Variants in CERCAM observed in about 807,000 individuals in gnomAD.
CERCAM encodes cerebral endothelial cell adhesion molecule, also known as inactive glycosyltransferase 25 family member 3.
A neutral mutation model predicts 66.0 loss-of-function variants in CERCAM; 59 were observed. That is an observed-to-expected ratio of 0.89 (90% CI 0.73 to 1.11). CERCAM has a LOEUF of 1.11. Ranked by LOEUF, CERCAM falls within the 50% of genes most tolerant of loss-of-function variation. CERCAM has a pLI of 0.00. For synonymous variants in CERCAM, 318 were observed against 343.6 expected, an observed-to-expected ratio of 0.93 and a Z score of 0.83; for missense variants, 840 against 828.3, an observed-to-expected ratio of 1.01 and a Z score of -0.17.
In CERCAM at chr9:128,435,824, A is replaced by G. The variant is rs774939705; in HGVS notation, c.1707A>G (p.Gln569=). ...GCCTCATCAGCTGGAGCGGCTCCCA[A>G]AAGACCCTGCGCAGCCCCCGCCTGG... ...SGRLISWSGS[Q]KTLRSPRLDL... Residue 569 remains glutamine (Q), a synonymous_variant, in exon 12 of 13, where the codon CAA becomes CAG. Transcript: ENST00000372838. 2.5e-6 allele frequency: 4 copies of G among 1,611,150 alleles called. No individual in the cohort carries two copies. The Admixed American group carries it at 5.0e-5, about 20-fold the overall frequency.
intron 5 of CERCAM, among the ~76,000 whole-genome samples, chr9:128,427,059 C>T (rs1478616342): frequency 6.6e-6 from 1 of 152,196 alleles, no homozygotes; most frequent in Non-Finnish European, 1.5e-5. Flanking sequence ...TACATCCCGG[C>T]TCTGGGCCAG....
Position 128,434,236 on chromosome 9 carries a change from A to G in CERCAM, c.1331+7A>G, listed in dbSNP as rs1208311002. On this transcript the variant is annotated splice_region_variant and intron_variant, in intron 10 of 12. Transcript: ENST00000372838. The surrounding 1 kb of genome is among the most constrained non-coding windows in gnomAD (Gnocchi z 4.5). ...AACTGTCTTGGGACCTGATGTAGGC[A>G]GCCTGCACCCTCAGGGACAAGGGGG... 6.2e-7 allele frequency: 1 copy of G among 1,613,942 alleles called. No individual in the cohort carries two copies. Among genetic ancestry groups the G allele is most frequent in the Non-Finnish European group, 8.5e-7 (1 of 1,179,950 alleles).
chr9:128,425,470 G>A (rs548231552), intron 5 of CERCAM, among the ~76,000 whole-genome samples: 17 of 152,106 alleles, frequency 1.1e-4, no homozygotes, highest in Middle Eastern at 3.4e-3. Flanking sequence ...TCAGGAGTTC[G>A]AGACCAGCCT....
At chr9:128,423,315 C>G in intron 3 of CERCAM, 52 bp downstream of exon 3, 1 of 1,472,904 alleles carries the variant, frequency 6.8e-7, no homozygotes, top group Non-Finnish European at 9.4e-7. Flanking sequence ...GTATCCGTCC[C>G]TGATAGAAAT....
chr9:128,434,081 C>G lies in CERCAM; in HGVS notation c.1204-21C>G, dbSNP rs758655136. ...TTGTTTAACTCCGAAGAGCCATCTC[C>G]CACCCCATTGTATGCCACAGGTGGT... On this transcript the variant is annotated intron_variant, in intron 9 of 12. Coordinates refer to ENST00000372838, the MANE Select transcript of CERCAM (RefSeq NM_016174.5). The surrounding 1 kb of genome is among the most constrained non-coding windows in gnomAD (Gnocchi z 4.5). 6.2e-7 allele frequency: 1 copy of G among 1,613,338 alleles called. No homozygotes were observed. The highest frequency in any genetic ancestry group is 1.3e-5 in the African/African-American group (1 of 74,900).
At position 128,435,878 on chromosome 9, in the gene CERCAM, C is replaced by T. The variant is rs752898688; in HGVS notation, c.1761C>T (p.Leu587=). ...TGACTGGCAGCAGCGGGCACAGCCT[C>T]CAACCCCAGCCCCGAGATGAGCTCT... ...LDLTGSSGHS[L]QPQPRDEL The change falls in exon 12 of 13, where the codon CTC becomes CTT. Residue 587 remains leucine, a synonymous_variant. Transcript: ENST00000372838. The T allele has an allele frequency of 2.5e-6, 4 of 1,606,902 alleles. No homozygotes were observed. Among genetic ancestry groups the T allele is most frequent in the Admixed American group, 3.3e-5 (2 of 59,800 alleles).
chr9:128,422,812 C>T, intron 1 of CERCAM, 56 bp from the exon 2 acceptor site: 1 of 1,596,724 alleles, frequency 6.3e-7, no homozygotes, highest in Non-Finnish European at 8.5e-7. Flanking sequence ...TCAAGGCTGC[C>T]TTGGGGTTCA....
rs1187955907 is a variant in CERCAM, at chr9:128,421,473, G to A, written c.197+399G>A. ...CCTCTGAAGTCCACTGGGGCCCAAC[G>A]TGGCAGGGATCGACCACGCTGGAGG... On this transcript the variant is annotated intron_variant, in intron 1 of 12. Transcript: ENST00000372838. 3 of 998,652 alleles carry A rather than the reference G, an allele frequency of 3.0e-6. No individual in the cohort carries two copies. In the African/African-American group the frequency reaches 5.2e-5, roughly 17 times the overall value. The allele number at this position is 998,652 out of a possible 1,614,324, so 61.9% of individuals were successfully genotyped here.
rs1416102822 is a variant in CERCAM, at chr9:128,424,245, C to A, written c.534C>A (p.Ser178=). ...TGCTGGACTCCCAGACCTACTACTC[C>A]AACTTCTGGTGTGGGATCACCCCCC... ...APMLDSQTYY[S]NFWCGITPQG... The change falls in exon 4 of 13, where the codon TCC becomes TCA. Residue 178 remains serine, a synonymous_variant. Transcript: ENST00000372838. 1 of 1,614,160 alleles carries A rather than the reference C, an allele frequency of 6.2e-7. No individual in the cohort carries two copies. The highest frequency in any genetic ancestry group is 2.2e-5 in the East Asian group (1 of 44,894).
intron 8 of CERCAM, among the ~76,000 whole-genome samples, chr9:128,430,128 CG>C (rs916049506): frequency 5.9e-5 from 9 of 152,082 alleles, no homozygotes; most frequent in Non-Finnish European, 1.3e-4. Flanking sequence ...TGACTGGGCA[CG>C]GTGGCTCATG....
At chr9:128,421,129 T>C (rs1833699949) in intron 1 of CERCAM, 55 bp downstream of exon 1, 2 of 1,264,188 alleles carry the variant, frequency 1.6e-6, no homozygotes, top group Non-Finnish European at 1.0e-6. Context: ...GCTTCGCAGA[T>C]GGCCCCCGCC....
In CERCAM at chr9:128,422,907, G is replaced by A; in HGVS notation, c.237G>A (p.Met79Ile). The change falls in exon 2 of 13, where the codon ATG becomes ATA. Residue 79 changes from methionine (M) to isoleucine (I), a missense_variant. Met to Ile is a conservative substitution (Grantham distance 10). Transcript: ENST00000372838. ...ACAATGTGGACAACACCACAGAGAT[G>A]CTGCAGGAGTGGCTGGCGGCTGTGG... ...TDHNVDNTTE[M>I]LQEWLAAVGD... The A allele has an allele frequency of 6.2e-7, 1 of 1,614,158 alleles. No homozygotes were observed. Among genetic ancestry groups the A allele is most frequent in the Non-Finnish European group, 8.5e-7 (1 of 1,180,030 alleles).
chr9:128,424,970 G>A lies in CERCAM; in HGVS notation c.766+356G>A, dbSNP rs536614277. ...ACTCCTGAGCTCAGGTGATCCACCC[G>A]CCTCGGCCTCCCAAAGTACTGGCAT... On this transcript the variant is annotated intron_variant, in intron 5 of 12. Coordinates refer to ENST00000372838, the MANE Select transcript of CERCAM (RefSeq NM_016174.5). Among the ~76,000 whole-genome samples, 25 of 151,840 alleles carry A rather than the reference G, an allele frequency of 1.6e-4. No individual in the cohort carries two copies. In the South Asian group the frequency reaches 5.0e-3, roughly 30 times the overall value.
rs368328854 is a variant in CERCAM at position 128,429,052 on chromosome 9, G to C, written c.1070+16G>C. On this transcript the variant is annotated intron_variant, in intron 8 of 12. Coordinates refer to ENST00000372838, the MANE Select transcript of CERCAM (RefSeq NM_016174.5). Reference sequence around the variant, plus strand: ...TGGATGGCTGGTGAGCCTGCCTGGTGGGGGGGGCCCTGTGCGCTTGGGGAA... The same window carrying C: ...TGGATGGCTGGTGAGCCTGCCTGGTCGGGGGGGCCCTGTGCGCTTGGGGAA... 1.2e-4 allele frequency: 179 copies of C among 1,547,538 alleles called. No individual in the cohort carries two copies. Among genetic ancestry groups the C allele is most frequent in the African/African-American group, 8.9e-4 (65 of 72,774 alleles).
At chr9:128,420,829 G>C, upstream of CERCAM, 1 of 984,434 alleles carries the variant, frequency 1.0e-6, no homozygotes, top group East Asian at 3.9e-5. The surrounding 1 kb of genome is among the most constrained non-coding windows in gnomAD (Gnocchi z 5.0). Flanking sequence ...CCCTCCCCTC[G>C]GCCGGCCCGA....
rs765052292 is a variant in CERCAM, at chr9:128,428,434, G to T, written c.886+13G>T. On this transcript the variant is annotated intron_variant, in intron 6 of 12. Transcript: ENST00000372838. ...TTAGAAGCACTAGGTGAGGGCTGGG[G>T]AACTGTTCCACCCACCTGCTGCCGG... 6.2e-7 allele frequency: 1 copy of T among 1,613,670 alleles called. No homozygotes were observed. The highest frequency in any genetic ancestry group is 1.1e-5 in the South Asian group (1 of 91,004).
chr9:128,431,081 AG>A, intron 8 of CERCAM, 89 bp from the exon 9 acceptor site: 1 of 1,468,034 alleles, frequency 6.8e-7, no homozygotes, highest in Non-Finnish European at 9.2e-7. Flanking sequence ...ACCCGACTCC[AG>A]TGTGACTGTC....
rs760714645 is a variant in CERCAM at position 128,428,839 on chromosome 9, TC to T, written c.963+11del. Reference sequence around the variant, plus strand: ...GCAAGATAGGGTTTGACGAGGTAAGTCCCCCAGCCTGTGGGCTCGCTGTTAG... The same window carrying T: ...GCAAGATAGGGTTTGACGAGGTAAGTCCCCAGCCTGTGGGCTCGCTGTTAG... On this transcript the variant is annotated splice_region_variant and intron_variant, in intron 7 of 12. Transcript: ENST00000372838. 2 of 1,613,682 alleles carry T rather than the reference TC, an allele frequency of 1.2e-6. No homozygotes were observed. The highest frequency in any genetic ancestry group is 4.5e-5 in the East Asian group (2 of 44,842).
Position 128,423,174 on chromosome 9 carries a change from C to A in CERCAM, c.337C>A (p.His113Asn). Residue 113 changes from histidine to asparagine, a missense_variant, in exon 3 of 13, where the codon CAC becomes AAC. Transcript: ENST00000372838. ...RFYPDEEGPKHWTKERHQFLM... is the reference protein window; with the variant it reads ...RFYPDEEGPKNWTKERHQFLM... ...CTACCCAGATGAAGAGGGTCCCAAG[C>A]ACTGGACCAAAGAAAGGCACCAGTT... The A allele has an allele frequency of 6.2e-7, 1 of 1,614,144 alleles. No individual in the cohort carries two copies.
Sources: gnomAD v4.1 joint callset for allele counts (sites outside exome capture counted in the v4.1 genomes callset) on GRCh38, gnomAD v4.1.1 for gene constraint, Gnocchi (gnomAD v3.1) non-coding constraint, MANE v1.5 for transcripts, NCBI Gene and HGNC (gene_info 2026-07-23, HGNC 2026-07-21) for gene names.